MNAT1: variants seen among roughly 807,000 people sequenced by gnomAD.
MNAT1 encodes CDK-activating kinase assembly factor MAT1.
A neutral mutation model predicts 42.0 loss-of-function variants in MNAT1; 43 were observed. That is an observed-to-expected ratio of 1.02 (90% CI 0.80 to 1.32). The LOEUF is 1.32. Among genes scored for constraint, MNAT1 ranks in the 40% most tolerant of loss-of-function variants. The pLI, the probability that MNAT1 is intolerant of heterozygous loss-of-function variation, is 0.00. For missense variants in MNAT1, 306 were observed against 350.4 expected, an observed-to-expected ratio of 0.87 and a Z score of 1.01; for synonymous variants, 118 against 120.0, an observed-to-expected ratio of 0.98 and a Z score of 0.11.
intron 1 of MNAT1, chr14:60,780,653 A>C (rs1372171712): frequency 2.0e-6 from 2 of 1,006,204 alleles, no homozygotes; most frequent in Non-Finnish European, 3.0e-6. Context: ...CCTGAAATCA[A>C]GTCATCTATA....
chr14:60,922,125 C>G (rs949270119), intron 7 of MNAT1, among the ~76,000 whole-genome samples: 3 of 152,042 alleles, frequency 2.0e-5, no homozygotes, highest in Admixed American at 6.5e-5. Flanking sequence ...TGTAACTGTT[C>G]TTTTTAAACT....
intron 7 of MNAT1, among the ~76,000 whole-genome samples, chr14:60,953,917 A>G (rs2036431199): frequency 6.6e-6 from 1 of 151,978 alleles, no homozygotes; most frequent in African/African-American, 2.4e-5. Flanking sequence ...GGCCATTTGT[A>G]TGTCTTCCTT....
intron 6 of MNAT1, among the ~76,000 whole-genome samples, chr14:60,855,487 A>G (rs897046237): frequency 1.3e-5 from 2 of 152,080 alleles, no homozygotes; most frequent in African/African-American, 4.8e-5. Context: ...CATTGCAAAA[A>G]CCGTGGGAAA....
At chr14:60,864,753 A>C (rs546744271) in intron 6 of MNAT1, among the ~76,000 whole-genome samples, 38 of 152,034 alleles carry the variant, frequency 2.5e-4, no homozygotes, top group African/African-American at 8.7e-4. Flanking sequence ...ATTTAATTGC[A>C]TGGTGGTTTT....
intron 1 of MNAT1, among the ~76,000 whole-genome samples, chr14:60,791,404 A>G (rs2031813451): frequency 6.6e-6 from 1 of 152,102 alleles, no homozygotes; most frequent in South Asian, 2.1e-4. Context: ...CTTTTGCTTC[A>G]TATTCCAAAA....
chr14:60,962,410 G>A (rs2036609685), intron 7 of MNAT1, among the ~76,000 whole-genome samples: 1 of 152,038 alleles, frequency 6.6e-6, no homozygotes, highest in South Asian at 2.1e-4. Flanking sequence ...GTAGTATATA[G>A]ACAGAATCTA....
chr14:60,853,760 T>C (rs1041641446), intron 6 of MNAT1, among the ~76,000 whole-genome samples: 4 of 152,136 alleles, frequency 2.6e-5, no homozygotes, highest in African/African-American at 9.7e-5. Context: ...CATGAAGGGG[T>C]ATTGAATTTT....
chr14:60,880,655 A>G (rs1051421791), intron 7 of MNAT1, among the ~76,000 whole-genome samples: 1 of 152,216 alleles, frequency 6.6e-6, no homozygotes. Context: ...AACAAATAAT[A>G]AAACCTACAT....
chr14:60,804,588 C>T (rs1320308149), intron 3 of MNAT1, among the ~76,000 whole-genome samples: 1 of 152,124 alleles, frequency 6.6e-6, no homozygotes, highest in East Asian at 1.9e-4. Flanking sequence ...TGCAGTGGTA[C>T]TATCATAGCT....
chr14:60,940,958 T>G (rs2036144249), intron 7 of MNAT1, among the ~76,000 whole-genome samples: 1 of 152,214 alleles, frequency 6.6e-6, no homozygotes, highest in South Asian at 2.1e-4. Flanking sequence ...TATTTGAAAC[T>G]CTAGATAATG....
intron 7 of MNAT1, among the ~76,000 whole-genome samples, chr14:60,882,231 C>T (rs779265018): frequency 6.6e-6 from 1 of 152,054 alleles, no homozygotes; most frequent in African/African-American, 2.4e-5. Flanking sequence ...TCCCCACATC[C>T]TCTCCCACCT....
intron 6 of MNAT1, among the ~76,000 whole-genome samples, chr14:60,855,989 A>G (rs2033949623): frequency 6.6e-6 from 1 of 152,216 alleles, no homozygotes; most frequent in Non-Finnish European, 1.5e-5. Context: ...CAATATTTAA[A>G]ATAGGCCAAT....
intron 6 of MNAT1, among the ~76,000 whole-genome samples, chr14:60,878,381 T>C (rs901865227): frequency 6.6e-6 from 1 of 152,024 alleles, no homozygotes; most frequent in Non-Finnish European, 1.5e-5. Flanking sequence ...TTACAAATTT[T>C]TTGAGGTTAG....
intron 7 of MNAT1, among the ~76,000 whole-genome samples, chr14:60,921,804 A>C (rs1331913189): frequency 6.6e-6 from 1 of 152,200 alleles, no homozygotes; most frequent in Non-Finnish European, 1.5e-5. Flanking sequence ...CCTAAAGAAC[A>C]GGAATGGAAA....
At chr14:60,842,194 G>C (rs1383290257) in intron 6 of MNAT1, among the ~76,000 whole-genome samples, 2 of 152,100 alleles carry the variant, frequency 1.3e-5, no homozygotes, top group Admixed American at 6.5e-5. Flanking sequence ...AGCATCATTG[G>C]ATAGTTATGA....
At chr14:60,966,439 T>C (rs1028898) in intron 7 of MNAT1, among the ~76,000 whole-genome samples, 139,972 of 152,256 alleles carry the variant, frequency 0.92, 64,846 homozygotes, top group Non-Finnish European at 0.99. Context: ...TAATTAATAA[T>C]AGTAGTCTCT....
At position 60,969,896 on chromosome 14, in the gene MNAT1, C is replaced by T. The variant is rs533913102; in HGVS notation, c.*1547C>T. ...AAGGCTTTTAAGGCTTGTTTTGAGC[C>T]TGCCTTATTGTGGAAATTGCATGCA... is the stretch of plus-strand genomic sequence containing the variant. On this transcript the variant is annotated 3_prime_UTR_variant, in exon 8 of 8. Transcript: ENST00000261245. The T allele has an allele frequency of 6.6e-6, 1 of 152,162 alleles. No individual in the cohort carries two copies. The highest frequency in any genetic ancestry group is 1.5e-5 in the Non-Finnish European group (1 of 68,024). The allele number at this position is 152,162 out of a possible 1,614,324, so 9.4% of individuals were successfully genotyped here.
chr14:60,923,714 C>G (rs183347532), intron 7 of MNAT1, among the ~76,000 whole-genome samples: 172 of 152,224 alleles, frequency 1.1e-3, no homozygotes, highest in Admixed American at 2.6e-3. Context: ...CACGGTGGCT[C>G]ACGCCTGTAA....
intron 6 of MNAT1, among the ~76,000 whole-genome samples, chr14:60,826,155 C>T (rs557423561): frequency 5.9e-5 from 9 of 151,900 alleles, no homozygotes; most frequent in South Asian, 2.1e-4. Context: ...AAGGTTGTGC[C>T]GGATTTATTA....
Sources: gnomAD v4.1 joint callset for allele counts (sites outside exome capture counted in the v4.1 genomes callset) on GRCh38, gnomAD v4.1.1 for gene constraint, MANE v1.5 for transcripts, NCBI Gene and HGNC (gene_info 2026-07-23, HGNC 2026-07-21) for gene names.